SCN10A: variants seen among roughly 807,000 people sequenced by gnomAD.
The protein encoded by SCN10A is sodium channel protein type 10 subunit alpha.
Under a neutral mutation model 170.7 loss-of-function variants are expected in SCN10A, and 162 were observed. The observed-to-expected ratio is 0.95, with a 90% CI of 0.84 to 1.08. SCN10A has a LOEUF of 1.08. Among genes scored for constraint, SCN10A ranks in the 50% least tolerant of loss-of-function variants. The pLI is 0.00. For missense variants in SCN10A, 2,527 were observed against 2,436.9 expected, an observed-to-expected ratio of 1.04 and a Z score of -0.78; for synonymous variants, 985 against 904.6, an observed-to-expected ratio of 1.09 and a Z score of -1.59.
At chr3:38,727,451 T>A (rs902370748) in intron 16 of SCN10A, among the ~76,000 whole-genome samples, 1 of 152,178 alleles carries the variant, frequency 6.6e-6, no homozygotes, top group Admixed American at 6.5e-5. Context: ...TGAGAGCAGA[T>A]GAAGAGCGGT....
chr3:38,804,003 T>A (rs1162245032), intron 1 of SCN10A, among the ~76,000 whole-genome samples: 1 of 152,098 alleles, frequency 6.6e-6, no homozygotes, highest in African/African-American at 2.4e-5. Context: ...ACTGCTATTA[T>A]ATCTTCTTAA....
chr3:38,722,540 T>A, intron 19 of SCN10A, 128 bp from the exon 20 acceptor site: 1 of 1,089,352 alleles, frequency 9.2e-7, no homozygotes, highest in Non-Finnish European at 1.3e-6. Flanking sequence ...AATTCTTTCC[T>A]GGAATATGGG....
Position 38,707,382 on chromosome 3 carries a change from A to T in SCN10A, c.4283T>A (p.Leu1428Ter). 6.2e-7 allele frequency: 1 copy of T among 1,614,010 alleles called. No individual in the cohort carries two copies. The highest frequency in any genetic ancestry group is 1.1e-5 in the South Asian group (1 of 91,076). Residue 1428 changes from leucine to a stop codon, truncating the protein, a stop_gained and splice_region_variant, in exon 26 of 28, where the codon TTA becomes TAA. Transcript: ENST00000449082. LOFTEE classifies it high-confidence loss of function. The part of the protein sequence containing the change: ...IDNFNQQKKK[L>*]GGQDIFMTEE... ...TGTCATGAAGATGTCCTGGCCCCCT[A>T]AGTGCAGAGAGGGCCACACTGTTAC... is the stretch of plus-strand genomic sequence containing the variant.
At position 38,713,965 on chromosome 3, in the gene SCN10A, C is replaced by A. The variant is rs752189483; in HGVS notation, c.3797G>T (p.Gly1266Val). The change falls in exon 22 of 28, where the codon GGC (glycine) becomes GTC (valine). Residue 1266 changes from glycine (G) to valine (V), a missense_variant. Physicochemically the swap from Gly to Val is moderately radical, Grantham distance 109 (BLOSUM62 -3). Coordinates refer to ENST00000449082, the MANE Select transcript of SCN10A (RefSeq NM_006514.4). ...TTTTGAGATCAGACTTACCCGCATG[C>A]CTTCAAATCGAGAAAGAGCCCGCAG... ...RPLRALSRFE[G>V]MRVVVDALVG... 7 of 1,613,518 alleles carry A rather than the reference C, an allele frequency of 4.3e-6. No homozygotes were observed. The highest frequency in any genetic ancestry group is 5.9e-6 in the Non-Finnish European group (7 of 1,180,030).
chr3:38,763,695 G>T (rs1485380575), intron 5 of SCN10A, 99 bp from the exon 6 acceptor site: 1 of 844,328 alleles, frequency 1.2e-6, no homozygotes, highest in Non-Finnish European at 2.0e-6. Context: ...AGCCTAGAAA[G>T]GATGCAGAAT....
intron 15 of SCN10A, among the ~76,000 whole-genome samples, chr3:38,738,453 C>G (rs577068480): frequency 3.3e-5 from 5 of 152,184 alleles, no homozygotes; most frequent in Non-Finnish European, 5.9e-5. Context: ...CACTGTCTCA[C>G]TGGCCCCTGT....
intron 15 of SCN10A, among the ~76,000 whole-genome samples, chr3:38,738,939 C>T (rs937066481): frequency 1.3e-5 from 2 of 152,156 alleles, no homozygotes; most frequent in East Asian, 1.9e-4. Flanking sequence ...GCTGTGATTT[C>T]GGGCACAAGG....
chr3:38,727,534 A>G (rs1472665600), intron 16 of SCN10A, among the ~76,000 whole-genome samples: 1 of 152,200 alleles, frequency 6.6e-6, no homozygotes, highest in Non-Finnish European at 1.5e-5. Flanking sequence ...GGTGAGGGGC[A>G]TCTGTGGCTC....
rs2063999915 is a variant in SCN10A at position 38,771,482 on chromosome 3, A to T, written c.471-75T>A. The stretch of plus-strand genomic sequence containing the variant: ...CAGGGGGTTCCTTCTTCCAGGAGGG[A>T]GGGATGACCTGCTCTGACTGCTCCA... On this transcript the variant is annotated intron_variant, in intron 4 of 27. Transcript: ENST00000449082. 4.0e-6 allele frequency: 6 copies of T among 1,486,188 alleles called. No individual in the cohort carries two copies. In the African/African-American group the frequency reaches 6.9e-5, roughly 17 times the overall value. 92.1% of individuals were successfully genotyped at this position (1,486,188 alleles called of 1,614,324 possible).
rs746180135 is a variant in SCN10A at position 38,707,299 on chromosome 3, T to G, written c.4366A>C (p.Lys1456Gln). The change falls in exon 26 of 28, where the codon AAG (lysine) becomes CAG (glutamine). Residue 1456 changes from lysine to glutamine, a missense_variant. Physicochemically the swap from Lys to Gln is moderately conservative, Grantham distance 53 (BLOSUM62 1). Transcript: ENST00000449082. ...CTCACCAGGGGCCGTGGGATGGGCT[T>G]CTGGGGCTTCTTGGAGCCCAACTTC... The part of the protein sequence containing the change: ...MKKLGSKKPQ[K>Q]PIPRPLNKFQ... The G allele has an allele frequency of 1.2e-6, 2 of 1,614,014 alleles. No homozygotes were observed. The highest frequency in any genetic ancestry group is 1.7e-6 in the Non-Finnish European group (2 of 1,179,974).
chr3:38,748,697 C>T (rs1441888783), intron 13 of SCN10A, among the ~76,000 whole-genome samples: 1 of 152,128 alleles, frequency 6.6e-6, no homozygotes. Context: ...TAAGTCATCA[C>T]CCAGCTCCTC....
In SCN10A at chr3:38,760,654, G is replaced by A. The variant is rs370435340; in HGVS notation, c.950+27C>T. 247 of 1,587,194 alleles carry A rather than the reference G, an allele frequency of 1.6e-4. 3 individuals carry two copies. The African/African-American group carries it at 2.7e-3, about 18-fold the overall frequency. On this transcript the variant is annotated intron_variant, in intron 8 of 27. Coordinates refer to ENST00000449082, the MANE Select transcript of SCN10A (RefSeq NM_006514.4). The stretch of plus-strand genomic sequence containing the variant: ...ATGGAGAAGGAATTGTTGGGCACTC[G>A]TGCTTTGTCATAAGTTGGGAACTCA...
intron 6 of SCN10A, among the ~76,000 whole-genome samples, chr3:38,762,456 G>A (rs1469731935): frequency 6.6e-6 from 1 of 152,120 alleles, no homozygotes; most frequent in Admixed American, 6.5e-5. Context: ...TGTGAGTTGA[G>A]TAAAGAGAGG....
intron 11 of SCN10A, 145 bp from the exon 12 acceptor site, chr3:38,752,657 G>T: frequency 1.8e-6 from 1 of 554,544 alleles, no homozygotes; most frequent in Non-Finnish European, 3.0e-6. Context: ...AAATCTAAGG[G>T]GTATTCTAGG....
rs549458141 is a variant in SCN10A, at chr3:38,714,147, C to A, written c.3682-67G>T. The stretch of plus-strand genomic sequence containing the variant: ...GAAAGGCAGTCCTCGTGGAAGGAGA[C>A]AGGAACTCCCTGCCCAGCCTCCCAT... On this transcript the variant is annotated intron_variant, in intron 21 of 27. Transcript: ENST00000449082. 330 of 1,587,184 alleles carry A rather than the reference C, an allele frequency of 2.1e-4. 3 individuals are homozygous for A. The Middle Eastern group carries it at 2.9e-3, about 14-fold the overall frequency.
chr3:38,806,197 G>A (rs920311255), intron 1 of SCN10A, among the ~76,000 whole-genome samples: 20 of 152,154 alleles, frequency 1.3e-4, no homozygotes, highest in African/African-American at 4.1e-4. Context: ...GGAGTTTGGA[G>A]AAGAAAGTGC....
Position 38,755,856 on chromosome 3 carries a change from T to G in SCN10A, c.1393A>C (p.Arg465=). The change falls in exon 11 of 28, where the codon AGA becomes CGA. Residue 465 remains arginine (R), a synonymous_variant. Transcript: ENST00000449082. ...TCTTCTGTGGAGCCCTCTGACACTC[T>G]TGGCTTTATTCTATGCCTTCTCTCA... ...ASERRHRIKP[R]VSEGSTEDNK... The G allele has an allele frequency of 6.2e-7, 1 of 1,614,198 alleles. No homozygotes were observed. The highest frequency in any genetic ancestry group is 2.2e-5 in the East Asian group (1 of 44,884).
At chr3:38,714,106 T>C in intron 21 of SCN10A, 26 bp from the exon 22 acceptor site, 9 of 1,611,902 alleles carry the variant, frequency 5.6e-6, no homozygotes, top group Non-Finnish European at 7.6e-6. Flanking sequence ...GGCAGAAACA[T>C]CACTCTAGGT....
chr3:38,749,082 A>C (rs1468711340), intron 13 of SCN10A, among the ~76,000 whole-genome samples: 3 of 152,194 alleles, frequency 2.0e-5, no homozygotes, highest in Admixed American at 1.3e-4. Flanking sequence ...TGTGCATGTG[A>C]ATCTCTCTCT....
Sources: allele counts gnomAD v4.1 joint callset (sites outside exome capture counted in the v4.1 genomes callset), GRCh38; gene constraint gnomAD v4.1.1; transcripts MANE v1.5; gene names NCBI Gene and HGNC (gene_info 2026-07-23, HGNC 2026-07-21).